The following HNRNPD variants were observed in gnomAD, a reference collection of about 807,000 sequenced individuals.
HNRNPD encodes the protein heterogeneous nuclear ribonucleoprotein D.
A neutral mutation model predicts 47.9 loss-of-function variants in HNRNPD; 3 were observed. That is an observed-to-expected ratio of 0.06 (90% CI 0.03 to 0.16). The LOEUF (loss-of-function observed/expected upper bound fraction) is 0.16, where lower values mean the gene tolerates loss of function less well. Ranked by LOEUF, HNRNPD falls within the 10% of genes least tolerant of loss-of-function variation. The pLI, the probability that HNRNPD is intolerant of heterozygous loss-of-function variation, is 1.00. For synonymous variants in HNRNPD, 171 were observed against 165.1 expected, an observed-to-expected ratio of 1.04 and a Z score of -0.28; for missense variants, 287 against 454.2, an observed-to-expected ratio of 0.63 and a Z score of 3.35.
Position 82,373,547 on chromosome 4 carries a change from T to G in HNRNPD, c.132A>C (p.Gly44=), listed in dbSNP as rs575870890. Residue 44 remains glycine (G), a synonymous_variant, in exon 1 of 9, where the codon GGA becomes GGC. Coordinates refer to ENST00000313899, the MANE Select transcript of HNRNPD (RefSeq NM_031370.3). The part of the protein sequence containing the change: ...TQGAAAAAGS[G]AGTGGGTASG... ...ACGCGGTTCCGCCCCCGGTCCCGGC[T>G]CCGCTTCCCGCCGCCGCCGCTGCCC... 1.9e-6 allele frequency: 3 copies of G among 1,539,596 alleles called. No homozygotes were observed. Among genetic ancestry groups the G allele is most frequent in the East Asian group, 5.1e-5 (2 of 39,588 alleles).
chr4:82,354,344 C>A (rs573783020), intron 8 of HNRNPD, 190 bp from the exon 9 acceptor site: 166 of 152,476 alleles, frequency 1.1e-3, no homozygotes, highest in African/African-American at 3.9e-3. Context: ...ATGTGCACCA[C>A]TGGTTTAAGA....
intron 4 of HNRNPD, 108 bp downstream of exon 4, chr4:82,358,551 T>C: frequency 3.2e-6 from 3 of 931,374 alleles, no homozygotes; most frequent in Non-Finnish European, 4.9e-6. Flanking sequence ...ACAGATCACA[T>C]AATCTACCCT....
intron 3 of HNRNPD, 51 bp from the exon 4 acceptor site, chr4:82,358,871 C>A: frequency 4.6e-6 from 6 of 1,297,538 alleles, no homozygotes; most frequent in South Asian, 1.4e-5. Flanking sequence ...AACTGAAGTT[C>A]AGAGACTATT....
At chr4:82,356,268 G>C in intron 7 of HNRNPD, 1 of 355,188 alleles carries the variant, frequency 2.8e-6, no homozygotes, top group Non-Finnish European at 5.1e-6. Flanking sequence ...GAGCTTAAAA[G>C]ATCTGAACTG....
intron 1 of HNRNPD, chr4:82,373,118 C>A (rs1235005678): frequency 3.6e-6 from 2 of 562,958 alleles, no homozygotes; most frequent in Admixed American, 4.4e-5. Flanking sequence ...AAAAAAGGTA[C>A]CCCACGACAG....
At chr4:82,356,763 C>T (rs1446955983) in intron 6 of HNRNPD, 33 bp downstream of exon 6, 3 of 1,612,836 alleles carry the variant, frequency 1.9e-6, no homozygotes, top group Non-Finnish European at 2.5e-6. Context: ...AGCAGAAAAG[C>T]TTAAGATAGA....
chr4:82,356,968 G>C lies in HNRNPD; in HGVS notation c.754-73C>G. ...TTGCTAAATAAGTTTCTAATAACCA[G>C]AATAGCCAACATGTTTAAATAGAGT... On this transcript the variant is annotated intron_variant, in intron 5 of 8. Coordinates refer to ENST00000313899, the MANE Select transcript of HNRNPD (RefSeq NM_031370.3). 5 of 1,256,136 alleles carry C rather than the reference G, an allele frequency of 4.0e-6. No individual in the cohort carries two copies. In the African/African-American group the frequency reaches 5.9e-5, roughly 15 times the overall value. 77.8% of individuals were successfully genotyped at this position (1,256,136 alleles called of 1,614,324 possible).
At chr4:82,367,685 C>T (rs568539946) in intron 2 of HNRNPD, among the ~76,000 whole-genome samples, 19 of 152,318 alleles carry the variant, frequency 1.2e-4, no homozygotes, top group Non-Finnish European at 2.6e-4. Context: ...ACCTTGATTA[C>T]TGGCCAAGCA....
chr4:82,357,071 ACTTG>A (rs1445182975), intron 5 of HNRNPD, among the ~76,000 whole-genome samples, 176 bp from the exon 6 acceptor site: 1 of 152,240 alleles, frequency 6.6e-6, no homozygotes, highest in African/African-American at 2.4e-5. Context: ...ACTTATGAGT[ACTTG>A]CTAGTGATGT....
intron 2 of HNRNPD, among the ~76,000 whole-genome samples, chr4:82,368,350 C>T (rs1719868542): frequency 6.6e-6 from 1 of 151,954 alleles, no homozygotes; most frequent in African/African-American, 2.4e-5. Flanking sequence ...TAGCAGAGTA[C>T]CCAGGAAATA....
chr4:82,371,915 T>TG (rs1720064392), intron 1 of HNRNPD, among the ~76,000 whole-genome samples: 1 of 152,104 alleles, frequency 6.6e-6, no homozygotes, highest in African/African-American at 2.4e-5. Context: ...TTTTAAAAGT[T>TG]TGCTTCCCTT....
At chr4:82,365,424 C>A (rs1719699705) in intron 2 of HNRNPD, among the ~76,000 whole-genome samples, 1 of 151,920 alleles carries the variant, frequency 6.6e-6, no homozygotes, top group African/African-American at 2.4e-5. Context: ...CCTAAAATGA[C>A]AAACTAAAGC....
At position 82,373,779 on chromosome 4, in the gene HNRNPD, T is replaced by A. The variant is rs185423830; in HGVS notation, c.-101A>T. On this transcript the variant is annotated 5_prime_UTR_variant, in exon 1 of 9. Transcript: ENST00000313899. ...CCCCGCCGCTGCCGCGCGCCCGCTC[T>A]ACCTCGCGAAGCACACAAGACAGGG... 4.3e-4 allele frequency: 653 copies of A among 1,525,574 alleles called. 4 individuals are homozygous for A. In the African/African-American group the frequency reaches 8.0e-3, roughly 19 times the overall value. 94.5% of individuals were successfully genotyped at this position (1,525,574 alleles called of 1,614,324 possible). A position where few individuals can be genotyped will look rare whatever the true frequency, so the allele number is the denominator to read the frequency against.
At chr4:82,357,024 T>A in intron 5 of HNRNPD, 129 bp from the exon 6 acceptor site, 1 of 833,356 alleles carries the variant, frequency 1.2e-6, no homozygotes, top group Non-Finnish European at 2.0e-6. Flanking sequence ...TCAGTCAGTT[T>A]ATTAATTAAA....
In HNRNPD at chr4:82,373,654, C is replaced by T. The variant is rs1226253336; in HGVS notation, c.25G>A (p.Asp9Asn). ...GCCGTTGCCGCTGCCGCCGCCCCGTCCCCGCCGAACTGCTCCTCCGACATA... is the reference window on the plus strand; with the variant it reads ...GCCGTTGCCGCTGCCGCCGCCCCGTTCCCGCCGAACTGCTCCTCCGACATA... MSEEQFGG[D>N]GAAAAATAAV... The change falls in exon 1 of 9, where the codon GAC becomes AAC. Residue 9 changes from aspartate to asparagine, a missense_variant. Asp to Asn is a conservative substitution (Grantham distance 23). Transcript: ENST00000313899. 20 of 1,527,032 alleles carry T rather than the reference C, an allele frequency of 1.3e-5. No individual in the cohort carries two copies. Among genetic ancestry groups the T allele is most frequent in the Non-Finnish European group, 1.6e-5 (18 of 1,143,526 alleles). 94.6% of individuals were successfully genotyped at this position (1,527,032 alleles called of 1,614,324 possible).
chr4:82,363,217 C>G (rs1407271585), intron 2 of HNRNPD, among the ~76,000 whole-genome samples: 1 of 152,036 alleles, frequency 6.6e-6, no homozygotes, highest in East Asian at 1.9e-4. Flanking sequence ...GCTGGGATAA[C>G]AGGTGCATGC....
intron 2 of HNRNPD, among the ~76,000 whole-genome samples, chr4:82,360,307 TA>T (rs1723907362): frequency 6.6e-6 from 1 of 152,086 alleles, no homozygotes; most frequent in Non-Finnish European, 1.5e-5. Flanking sequence ...TTTAAGCCTT[TA>T]AAATGCAGAA....
chr4:82,372,469 T>A (rs748977299), intron 1 of HNRNPD, among the ~76,000 whole-genome samples: 1 of 151,770 alleles, frequency 6.6e-6, no homozygotes. Context: ...CCTCCCTTAG[T>A]GGGCGGGAAA....
intron 1 of HNRNPD, 172 bp downstream of exon 1, chr4:82,373,274 A>T (rs1720177012): frequency 2.3e-6 from 2 of 863,972 alleles, no homozygotes; most frequent in African/African-American, 1.7e-5. Context: ...GCAAAGGAAG[A>T]AGGAAATGAA....
Sources: allele counts gnomAD v4.1 joint callset (sites outside exome capture counted in the v4.1 genomes callset), GRCh38; gene constraint gnomAD v4.1.1; transcripts MANE v1.5; gene names NCBI Gene and HGNC (gene_info 2026-07-23, HGNC 2026-07-21).